Variants in ZNF853 observed in about 807,000 individuals in gnomAD.
The protein encoded by ZNF853 is zinc finger protein 853.
In ZNF853, 57 loss-of-function variants were observed where a neutral mutation model predicts 94.7. The observed-to-expected ratio is 0.60, with a 90% CI of 0.49 to 0.75. The LOEUF is 0.75. Ranked by LOEUF, ZNF853 falls within the 30% of genes least tolerant of loss-of-function variation. The pLI, the probability that ZNF853 is intolerant of heterozygous loss-of-function variation, is 0.00. For missense variants in ZNF853, 785 were observed against 868.9 expected, an observed-to-expected ratio of 0.90 and a Z score of 1.21; for synonymous variants, 448 against 406.3, an observed-to-expected ratio of 1.10 and a Z score of -1.23.
At position 6,622,165 on chromosome 7, in the gene ZNF853, G is replaced by C; in HGVS notation, c.1174G>C (p.Glu392Gln). 2 of 1,541,908 alleles carry C rather than the reference G, an allele frequency of 1.3e-6. No individual in the cohort carries two copies. The highest frequency in any genetic ancestry group is 2.7e-5 in the African/African-American group (2 of 73,072). ...GGTGCAGCTGGAGCTGACCCCGGTG[G>C]AGCTAGGCGCCCAGCAGCAGGAGGT... ...QEVQLELTPV[E>Q]LGAQQQEVQL... Residue 392 changes from glutamate to glutamine, a missense_variant, in exon 3 of 3, where the codon GAG becomes CAG. Physicochemically the swap from Glu to Gln is conservative, Grantham distance 29. Coordinates refer to ENST00000457543, the MANE Select transcript of ZNF853 (RefSeq NM_017560.3).
Position 6,621,161 on chromosome 7 carries a change from C to T in ZNF853, c.170C>T (p.Pro57Leu). 6.8e-7 allele frequency: 1 copy of T among 1,475,484 alleles called. No individual in the cohort carries two copies. Among genetic ancestry groups the T allele is most frequent in the Non-Finnish European group, 9.0e-7 (1 of 1,112,572 alleles). 91.4% of individuals were successfully genotyped at this position (1,475,484 alleles called of 1,614,324 possible). A position where few individuals can be genotyped will look rare whatever the true frequency, so the allele number is the denominator to read the frequency against. The change falls in exon 3 of 3, where the codon CCT (proline) becomes CTT (leucine). Residue 57 changes from proline (P) to leucine (L), a missense_variant. Pro to Leu is a moderately conservative substitution (Grantham distance 98). Transcript: ENST00000457543. ...AGCGAGAGTCAGGAGGAGGAAGAGC[C>T]TCAGGAGAGGAACAGCAGTCCACAG... ...GGSESQEEEE[P>L]QERNSSPQRP...
Position 6,621,523 on chromosome 7 carries a change from C to A in ZNF853, c.532C>A (p.Gln178Lys), listed in dbSNP as rs1782604554. Residue 178 changes from glutamine (Q) to lysine (K), a missense_variant, in exon 3 of 3, where the codon CAG becomes AAG. Coordinates refer to ENST00000457543, the MANE Select transcript of ZNF853 (RefSeq NM_017560.3). Reference sequence around the variant, plus strand: ...GTTGCAGCAGCAGCAGGAGCAGTTACAGACGCAGCAAGCACAAGAGCAACA... The same window carrying A: ...GTTGCAGCAGCAGCAGGAGCAGTTAAAGACGCAGCAAGCACAAGAGCAACA... ...QRLQQQQEQL[Q>K]TQQAQEQQVL... The A allele has an allele frequency of 6.4e-7, 1 of 1,551,572 alleles. No homozygotes were observed. Among genetic ancestry groups the A allele is most frequent in the Admixed American group, 2.0e-5 (1 of 50,986 alleles).
chr7:6,622,610 C>T lies in ZNF853; in HGVS notation c.1619C>T (p.Pro540Leu), dbSNP rs1782655198. The change falls in exon 3 of 3, where the codon CCC becomes CTC. Residue 540 changes from proline to leucine, a missense_variant. Physicochemically the swap from Pro to Leu is moderately conservative, Grantham distance 98 (BLOSUM62 -3). Transcript: ENST00000457543. The stretch of plus-strand genomic sequence containing the variant: ...CAACGCATCCACACGGGCGAGAAAC[C>T]CTACGCCTGCTCCTACTGCGCCAAG... ...THQRIHTGEK[P>L]YACSYCAKRF... The T allele has an allele frequency of 6.3e-7, 1 of 1,581,372 alleles. No individual in the cohort carries two copies. The highest frequency in any genetic ancestry group is 8.6e-7 in the Non-Finnish European group (1 of 1,164,690).
chr7:6,622,929 G>T lies in ZNF853; in HGVS notation c.1938G>T (p.Glu646Asp). The T allele has an allele frequency of 1.6e-6, 2 of 1,252,762 alleles. No homozygotes were observed. Among genetic ancestry groups the T allele is most frequent in the South Asian group, 3.2e-5 (1 of 31,008 alleles). The allele number at this position is 1,252,762 out of a possible 1,614,324, so 77.6% of individuals were successfully genotyped here. ...PAALGGPARA[E>D]QAATATAPAD... is the part of the protein sequence containing the mutation. ...CCCTCGGTGGCCCAGCCCGCGCGGA[G>T]CAGGCCGCTACAGCCACTGCGCCCG... Residue 646 changes from glutamate (E) to aspartate (D), a missense_variant, in exon 3 of 3, where the codon GAG (glutamate) becomes GAT (aspartate). Coordinates refer to ENST00000457543, the MANE Select transcript of ZNF853 (RefSeq NM_017560.3).
chr7:6,621,840 G>A lies in ZNF853; in HGVS notation c.849G>A (p.Gln283=), dbSNP rs991420543. Residue 283 remains glutamine (Q), a synonymous_variant, in exon 3 of 3, where the codon CAG becomes CAA. Coordinates refer to ENST00000457543, the MANE Select transcript of ZNF853 (RefSeq NM_017560.3). ...QLQQQLLLQQ[Q]EQLQQQQQQQ... ...AGCAGCAGCTACTGCTGCAGCAGCA[G>A]GAACAGTTACAGCAGCAGCAGCAAC... The A allele has an allele frequency of 6.4e-7, 1 of 1,550,638 alleles. No homozygotes were observed. The highest frequency in any genetic ancestry group is 1.4e-5 in the African/African-American group (1 of 73,038).
chr7:6,622,133 A>G lies in ZNF853; in HGVS notation c.1142A>G (p.Gln381Arg), dbSNP rs1782633278. Residue 381 changes from glutamine to arginine, a missense_variant, in exon 3 of 3, where the codon CAG (glutamine) becomes CGG (arginine). By Grantham distance (43) the Gln-to-Arg change is conservative. Coordinates refer to ENST00000457543, the MANE Select transcript of ZNF853 (RefSeq NM_017560.3). ...QLEQQQQQLE[Q>R]QEVQLELTPV... ...GAGCAGCAGCAGCAGCAGCTGGAGC[A>G]GCAGGAGGTGCAGCTGGAGCTGACC... 3 of 1,544,880 alleles carry G rather than the reference A, an allele frequency of 1.9e-6. No homozygotes were observed. Among genetic ancestry groups the G allele is most frequent in the Non-Finnish European group, 2.6e-6 (3 of 1,146,630 alleles).
At position 6,616,260 on chromosome 7, in the gene ZNF853, G is replaced by C; in HGVS notation, c.12+74G>C. The C allele has an allele frequency of 3.5e-4, 513 of 1,468,544 alleles. 10 individuals are homozygous for C. The South Asian group carries it at 4.5e-3, about 13-fold the overall frequency. The allele number at this position is 1,468,544 out of a possible 1,614,324, so 91.0% of individuals were successfully genotyped here. A position where few individuals can be genotyped will look rare whatever the true frequency, so the allele number is the denominator to read the frequency against. ...TGAGAGAGTTTGGACTGGATGGCAC[G>C]AGTCGGCCTGTTTAGGGGAGAGGGG... On this transcript the variant is annotated intron_variant, in intron 1 of 2. Transcript: ENST00000457543.
At chr7:6,617,392 A>G in intron 2 of ZNF853, 85 bp downstream of exon 2, 1 of 1,097,500 alleles carries the variant, frequency 9.1e-7, no homozygotes, top group Middle Eastern at 3.0e-4. Context: ...GGCAGCCTGC[A>G]CAGACTCACA....
rs764096796 is a variant in ZNF853, at chr7:6,622,027, C to G, written c.1036C>G (p.Gln346Glu). The G allele has an allele frequency of 1.3e-6, 2 of 1,549,058 alleles. No homozygotes were observed. The highest frequency in any genetic ancestry group is 2.0e-5 in the Admixed American group (1 of 50,972). ...EQQRQELERQ[Q>E]ELERQQEQRQ... Reference sequence around the variant, plus strand: ...GCAGCGGCAGGAGTTGGAGCGGCAGCAGGAGCTGGAACGGCAGCAGGAGCA... The same window carrying G: ...GCAGCGGCAGGAGTTGGAGCGGCAGGAGGAGCTGGAACGGCAGCAGGAGCA... The change falls in exon 3 of 3, where the codon CAG becomes GAG. Residue 346 changes from glutamine (Q) to glutamate (E), a missense_variant. Physicochemically the swap from Gln to Glu is conservative, Grantham distance 29 (BLOSUM62 2). Transcript: ENST00000457543.
chr7:6,618,373 G>A, intron 2 of ZNF853, among the ~76,000 whole-genome samples: 2 of 151,926 alleles, frequency 1.3e-5, no homozygotes, highest in African/African-American at 4.8e-5. Context: ...GGGTATACAC[G>A]TCAGACAACA....
At chr7:6,617,035 C>A in intron 1 of ZNF853, among the ~76,000 whole-genome samples, 155 bp from the exon 2 acceptor site, 93 of 152,298 alleles carry the variant, frequency 6.1e-4, no homozygotes, top group Admixed American at 2.2e-3. Flanking sequence ...CCCCGTTCCC[C>A]GTTGCGGGGG....
At position 6,616,737 on chromosome 7, in the gene ZNF853, G is replaced by GA; in HGVS notation, c.13-439dup. Among the ~76,000 whole-genome samples, 355 of 127,858 alleles carry GA rather than the reference G, an allele frequency of 2.8e-3. 2 individuals carry two copies. The highest frequency in any genetic ancestry group is 4.2e-3 in the Middle Eastern group (1 of 238). The allele number at this position is 127,858 out of a possible 152,430, so 83.9% of individuals were successfully genotyped here. A position where few individuals can be genotyped will look rare whatever the true frequency, so the allele number is the denominator to read the frequency against. ...GTGACAGAGTGAGAATCCGTATCAA[G>GA]AAAAAAAAAAAAAAGTATTTAATAA... On this transcript the variant is annotated intron_variant, in intron 1 of 2. Transcript: ENST00000457543.
In ZNF853 at chr7:6,623,289, G is replaced by A. The variant is rs1782680238; in HGVS notation, c.*318G>A. The A allele has an allele frequency of 2.5e-6, 1 of 398,518 alleles. No homozygotes were observed. The highest frequency in any genetic ancestry group is 4.4e-5 in the Admixed American group (1 of 22,706). 24.7% of individuals were successfully genotyped at this position (398,518 alleles called of 1,614,324 possible). ...GAAAACTGGACTTACTACGAACGAG[G>A]AAAAACCCCCAGTGGCGAGACGATT... On this transcript the variant is annotated 3_prime_UTR_variant, in exon 3 of 3. Transcript: ENST00000457543.
At chr7:6,619,360 C>T in intron 2 of ZNF853, among the ~76,000 whole-genome samples, 2 of 152,114 alleles carry the variant, frequency 1.3e-5, no homozygotes, top group East Asian at 3.8e-4. Flanking sequence ...CAACCTCTGC[C>T]TTTCAGGTTC....
chr7:6,617,193 A>C lies in ZNF853; in HGVS notation c.16A>C (p.Thr6Pro). The change falls in exon 2 of 3, where the codon ACT (threonine) becomes CCT (proline). Residue 6 changes from threonine to proline, a missense_variant. Transcript: ENST00000457543. ...TGCTTCCTTCCTTTCAGCACAGCCG[A>C]CTCCCGGGAATCGGGGTCTGACCGC... MLHQP[T>P]PGNRGLTARM... 6.5e-7 allele frequency: 1 copy of C among 1,542,138 alleles called. No individual in the cohort carries two copies. Among genetic ancestry groups the C allele is most frequent in the Non-Finnish European group, 8.7e-7 (1 of 1,143,280 alleles).
At position 6,622,753 on chromosome 7, in the gene ZNF853, C is replaced by T. The variant is rs1271623840; in HGVS notation, c.1762C>T (p.Arg588Trp). 11 of 1,552,060 alleles carry T rather than the reference C, an allele frequency of 7.1e-6. No individual in the cohort carries two copies. The highest frequency in any genetic ancestry group is 1.2e-5 in the South Asian group (1 of 85,080). The change falls in exon 3 of 3, where the codon CGG (arginine) becomes TGG (tryptophan). Residue 588 changes from arginine (R) to tryptophan (W), a missense_variant. Transcript: ENST00000457543. ...CGTCTCCTCCAACCTGCTGCGCCAC[C>T]GGCGCACGCACTCGGGCGAGCGGCC... ...FSVSSNLLRH[R>W]RTHSGERPYV...
At chr7:6,617,350 C>A in intron 2 of ZNF853, 43 bp downstream of exon 2, 1 of 1,359,674 alleles carries the variant, frequency 7.4e-7, no homozygotes, top group Non-Finnish European at 9.7e-7. Flanking sequence ...TCATGCCTGC[C>A]TGCTGTGGCA....
chr7:6,624,105 G>T lies in ZNF853; in HGVS notation c.*1134G>T, dbSNP rs531229695. On this transcript the variant is annotated 3_prime_UTR_variant, in exon 3 of 3. Coordinates refer to ENST00000457543, the MANE Select transcript of ZNF853 (RefSeq NM_017560.3). ...GCCTTGTGGGAAGGTGGGGCAGGGA[G>T]GAGGCTGCCCGCCACCTCTGCCCCC... is the stretch of plus-strand genomic sequence containing the variant. 1 of 152,190 alleles carries T rather than the reference G, an allele frequency of 6.6e-6. No individual in the cohort carries two copies. The highest frequency in any genetic ancestry group is 2.4e-5 in the African/African-American group (1 of 41,428). 9.4% of individuals were successfully genotyped at this position (152,190 alleles called of 1,614,324 possible).
intron 2 of ZNF853, among the ~76,000 whole-genome samples, chr7:6,619,070 C>A: frequency 7.4e-6 from 1 of 134,754 alleles, no homozygotes; most frequent in South Asian, 2.4e-4. Context: ...GACAGAGTCT[C>A]ACTCTGTTGC....
Sources: allele counts gnomAD v4.1 joint callset (sites outside exome capture counted in the v4.1 genomes callset), GRCh38; gene constraint gnomAD v4.1.1; transcripts MANE v1.5; gene names NCBI Gene and HGNC (gene_info 2026-07-23, HGNC 2026-07-21).